RMC1: variants seen among roughly 807,000 people sequenced by gnomAD.
The protein encoded by RMC1 is regulator of MON1-CCZ1, also known as regulator of MON1-CCZ1 complex.
In RMC1, 44 loss-of-function variants were observed where a neutral mutation model predicts 95.5. The ratio of observed to expected loss-of-function variants is 0.46; its 90% confidence interval spans 0.36 to 0.59. The LOEUF (loss-of-function observed/expected upper bound fraction) is 0.59. Ranked by LOEUF, RMC1 falls within the 20% of genes least tolerant of loss-of-function variation. The pLI, the probability that RMC1 is intolerant of heterozygous loss-of-function variation, is 0.00. For missense variants in RMC1, 705 were observed against 819.6 expected, an observed-to-expected ratio of 0.86 and a Z score of 1.71; for synonymous variants, 320 against 303.6, an observed-to-expected ratio of 1.05 and a Z score of -0.56.
intron 12 of RMC1, among the ~76,000 whole-genome samples, chr18:23,525,457 G>A (rs1430705841): frequency 1.3e-5 from 2 of 151,634 alleles, no homozygotes; most frequent in South Asian, 2.1e-4. Flanking sequence ...ACGGAATCTC[G>A]CTTTGTCACC....
intron 10 of RMC1, 48 bp from the exon 11 acceptor site, chr18:23,524,082 C>G (rs979727154): frequency 1.9e-6 from 3 of 1,595,930 alleles, no homozygotes; most frequent in Non-Finnish European, 2.6e-6. Context: ...CCAGCATTTG[C>G]AGCATTTTCT....
At chr18:23,519,519 G>GAA (rs35759590) in intron 9 of RMC1, among the ~76,000 whole-genome samples, 2 of 136,104 alleles carry the variant, frequency 1.5e-5, no homozygotes, top group Non-Finnish European at 1.6e-5. Flanking sequence ...TCCTGTCTCC[G>GAA]AAAAAAAAAA....
chr18:23,503,830 C>A, intron 1 of RMC1, 110 bp downstream of exon 1: 1 of 925,002 alleles, frequency 1.1e-6, no homozygotes. Context: ...CCTGTCCCGT[C>A]CCGTCCCAGC....
chr18:23,513,468 G>A (rs189986808), intron 5 of RMC1, among the ~76,000 whole-genome samples: 1 of 152,324 alleles, frequency 6.6e-6, no homozygotes, highest in East Asian at 1.9e-4. Context: ...GGTTGCTTCT[G>A]CCTCTTGGCC....
upstream of RMC1, chr18:23,503,494 G>C (rs1479503837): frequency 2.0e-6 from 1 of 490,820 alleles, no homozygotes; most frequent in East Asian, 4.3e-5. Flanking sequence ...CCAGGAAGCG[G>C]CGTCCGCGCC....
chr18:23,514,866 G>A (rs1395124257), intron 5 of RMC1, among the ~76,000 whole-genome samples: 2 of 152,166 alleles, frequency 1.3e-5, no homozygotes, highest in Admixed American at 6.6e-5. Context: ...GACTTGCGCA[G>A]CAGTTCTTCA....
At chr18:23,531,400 G>T (rs2058500232) in intron 19 of RMC1, 4 of 833,980 alleles carry the variant, frequency 4.8e-6, no homozygotes, top group Non-Finnish European at 5.1e-6. Context: ...CTAGCTCAAT[G>T]TAAGACGGCA....
In RMC1 at chr18:23,524,449, T is replaced by C; in HGVS notation, c.1027T>C (p.Phe343Leu). 1 of 1,614,136 alleles carries C rather than the reference T, an allele frequency of 6.2e-7. No individual in the cohort carries two copies. The change falls in exon 12 of 20, where the codon TTT becomes CTT. Residue 343 changes from phenylalanine to leucine, a missense_variant. Physicochemically the swap from Phe to Leu is conservative, Grantham distance 22 (BLOSUM62 0). Transcript: ENST00000269221. Reference protein sequence around the residue: ...CKLYSSSWIVFQPDIIISASQ... With the variant: ...CKLYSSSWIVLQPDIIISASQ... ...TGTGGATTCTTCATCTTGGATTGTC[T>C]TTCAACCTGACATCATTATCAGCGC...
chr18:23,503,897 C>G (rs1359204551), intron 1 of RMC1, among the ~76,000 whole-genome samples, 177 bp downstream of exon 1: 1 of 152,086 alleles, frequency 6.6e-6, no homozygotes, highest in African/African-American at 2.4e-5. Flanking sequence ...GGCCAGGTGT[C>G]CTCGCAGGTG....
chr18:23,527,669 G>A, intron 13 of RMC1, 126 bp from the exon 14 acceptor site: 4 of 654,948 alleles, frequency 6.1e-6, no homozygotes, highest in Non-Finnish European at 1.1e-5. Flanking sequence ...TTAAAGTAGA[G>A]TGTCCTTTAA....
Position 23,530,071 on chromosome 18 carries a change from A to C in RMC1, c.1538A>C (p.Asn513Thr). The change falls in exon 17 of 20, where the codon AAC becomes ACC. Residue 513 changes from asparagine to threonine, a missense_variant. Asn to Thr is a moderately conservative substitution (Grantham distance 65). Transcript: ENST00000269221. ...ELVIKTLVQHNLFYMLHQFLQ... is the reference protein window; with the variant it reads ...ELVIKTLVQHTLFYMLHQFLQ... ...GTTATCAAAACCCTTGTCCAGCACA[A>C]CCTCTTTTATATGCTGCATCAGTTC... The C allele has an allele frequency of 6.2e-7, 1 of 1,613,844 alleles. No homozygotes were observed. The highest frequency in any genetic ancestry group is 1.1e-5 in the South Asian group (1 of 91,056).
intron 11 of RMC1, 92 bp from the exon 12 acceptor site, chr18:23,524,337 A>G: frequency 6.6e-7 from 1 of 1,513,980 alleles, no homozygotes; most frequent in South Asian, 1.1e-5. Flanking sequence ...GCGTGGACTC[A>G]GTACATGGTG....
rs577047861 is a variant in RMC1, at chr18:23,510,830, T to C, written c.408+1551T>C. On this transcript the variant is annotated intron_variant, in intron 5 of 19. Transcript: ENST00000269221. ...TATAAAAAAGTCAAAGAATAACAGA[T>C]ACTGGCAAGGTTGTGGAGAAAAGGG... Among the ~76,000 whole-genome samples, 53 of 152,332 alleles carry C rather than the reference T, an allele frequency of 3.5e-4. No homozygotes were observed. In the South Asian group the frequency reaches 8.5e-3, roughly 24 times the overall value.
intron 19 of RMC1, 152 bp from the exon 20 acceptor site, chr18:23,531,473 C>G: frequency 7.0e-7 from 1 of 1,419,098 alleles, no homozygotes; most frequent in Non-Finnish European, 9.2e-7. Context: ...ATTTGTCTCT[C>G]AAAGCAGATA....
rs374149112 is a variant in RMC1 at position 23,516,369 on chromosome 18, C to T, written c.599C>T (p.Ala200Val). 109 of 1,614,102 alleles carry T rather than the reference C, an allele frequency of 6.8e-5. No individual in the cohort carries two copies. Among genetic ancestry groups the T allele is most frequent in the Non-Finnish European group, 8.1e-5 (96 of 1,180,046 alleles). ...AAATTTGAGATTGAATTACCAGCTGCGCCTAAGTCAACTAAACCCAGCCTT... is the reference window on the plus strand; with the variant it reads ...AAATTTGAGATTGAATTACCAGCTGTGCCTAAGTCAACTAAACCCAGCCTT... ...LPKFEIELPA[A>V]PKSTKPSLSE... is the part of the protein sequence containing the mutation. Residue 200 changes from alanine to valine, a missense_variant, in exon 7 of 20, where the codon GCG (alanine) becomes GTG (valine). Transcript: ENST00000269221.
rs565793480 is a variant in RMC1 at position 23,509,534 on chromosome 18, T to C, written c.408+255T>C. The C allele has an allele frequency of 5.8e-5, 12 of 207,350 alleles. No homozygotes were observed. The South Asian group carries it at 2.1e-3, about 36-fold the overall frequency. 12.8% of individuals were successfully genotyped at this position (207,350 alleles called of 1,614,324 possible). ...ACAGGCATGTACCACCATGCCTGGC[T>C]AATTTTTCTTTTTATTATTTTATTT... On this transcript the variant is annotated intron_variant, in intron 5 of 19. Transcript: ENST00000269221.
Position 23,526,713 on chromosome 18 carries a change from T to C in RMC1, c.1137T>C (p.Phe379=). The change falls in exon 13 of 20, where the codon TTT becomes TTC. Residue 379 remains phenylalanine, a synonymous_variant. Transcript: ENST00000269221. Reference sequence around the variant, plus strand: ...CAGACAAAGGAAGACTCATGGACTTTCTCCTCCAGAGAAAGGAATGCAAGA... The same window carrying C: ...CAGACAAAGGAAGACTCATGGACTTCCTCCTCCAGAGAAAGGAATGCAAGA... ...LLPDKGRLMD[F]LLQRKECKMV... 1 of 1,614,108 alleles carries C rather than the reference T, an allele frequency of 6.2e-7. No individual in the cohort carries two copies. Among genetic ancestry groups the C allele is most frequent in the Non-Finnish European group, 8.5e-7 (1 of 1,180,022 alleles).
intron 5 of RMC1, among the ~76,000 whole-genome samples, chr18:23,510,787 A>C (rs1390919452): frequency 6.6e-6 from 1 of 152,276 alleles, no homozygotes; most frequent in South Asian, 2.1e-4. Flanking sequence ...ACTATCTCAC[A>C]CTAGTCAGCA....
chr18:23,524,537 T>C (rs376993094), intron 12 of RMC1, 55 bp downstream of exon 12: 13 of 1,577,286 alleles, frequency 8.2e-6, no homozygotes, highest in Non-Finnish European at 1.0e-5. Context: ...TGACTTTGGA[T>C]CCCAGTTGTA....
Sources: allele counts gnomAD v4.1 joint callset (sites outside exome capture counted in the v4.1 genomes callset), GRCh38; gene constraint gnomAD v4.1.1; transcripts MANE v1.5; gene names NCBI Gene and HGNC (gene_info 2026-07-23, HGNC 2026-07-21).